PCGF5: variants seen among roughly 807,000 people sequenced by gnomAD.
PCGF5 encodes the protein polycomb group RING finger protein 5.
PCGF5 carries 9 observed loss-of-function variants against 44.3 expected under a neutral mutation model. That is an observed-to-expected ratio of 0.20 (90% CI 0.12 to 0.35). PCGF5 has a LOEUF of 0.35. Among genes scored for constraint, PCGF5 ranks in the 10% least tolerant of loss-of-function variants. PCGF5 has a pLI of 1.00. For missense variants in PCGF5, 146 were observed against 305.3 expected (o/e 0.48, Z 3.89); for synonymous variants, 95 against 102.5 (o/e 0.93, Z 0.44).
At chr10:91,227,523 C>G (rs1423990772) in intron 2 of PCGF5, 3 of 1,226,706 alleles carry the variant, frequency 2.4e-6, no homozygotes, top group Non-Finnish European at 3.1e-6. Context: ...TAATACTTCT[C>G]AAATCTGTCC....
rs1359014140 is a variant in PCGF5 at position 91,279,249 on chromosome 10, A to T, written c.*933A>T. 1.3e-5 allele frequency: 2 copies of T among 152,176 alleles called. No homozygotes were observed. Among genetic ancestry groups the T allele is most frequent in the Non-Finnish European group, 2.9e-5 (2 of 68,026 alleles). 9.4% of individuals were successfully genotyped at this position (152,176 alleles called of 1,614,324 possible). On this transcript the variant is annotated 3_prime_UTR_variant, in exon 10 of 10. Transcript: ENST00000336126. ...ATGTCATTGTGGCATGCAGAGGGTT[A>T]TGACGATTTTAAATATTAGGATTTT...
intron 3 of PCGF5, among the ~76,000 whole-genome samples, chr10:91,246,310 T>G (rs939091632): frequency 6.6e-6 from 1 of 152,136 alleles, no homozygotes; most frequent in Non-Finnish European, 1.5e-5. Context: ...TAAGGTAGCA[T>G]TGGTTTGGTC....
chr10:91,251,635 A>G (rs1460085122), intron 6 of PCGF5, among the ~76,000 whole-genome samples, 195 bp downstream of exon 6: 1 of 152,020 alleles, frequency 6.6e-6, no homozygotes, highest in Non-Finnish European at 1.5e-5. Flanking sequence ...TCTTGGGCCA[A>G]TGCCACCATC....
At chr10:91,218,736 G>T (rs1017467737), upstream of PCGF5, among the ~76,000 whole-genome samples, 2 of 151,950 alleles carry the variant, frequency 1.3e-5, no homozygotes, top group African/African-American at 4.8e-5. Flanking sequence ...AGGTTCAAGC[G>T]ATTCTCCTGC....
chr10:91,204,707 C>T (rs1020128625), intron 1 of PCGF5, among the ~76,000 whole-genome samples: 1 of 152,198 alleles, frequency 6.6e-6, no homozygotes, highest in African/African-American at 2.4e-5. Context: ...CCACTGCCAA[C>T]TCATTATTGC....
In PCGF5 at chr10:91,278,407, A is replaced by C. The variant is rs1355062891; in HGVS notation, c.*91A>C. On this transcript the variant is annotated 3_prime_UTR_variant, in exon 10 of 10. Coordinates refer to ENST00000336126, the MANE Select transcript of PCGF5 (RefSeq NM_032373.5). Reference sequence around the variant, plus strand: ...CAGTTAACGGTGTGTGGACTAGAGGAACACAACCAGATTTTCAGCATGCAA... The same window carrying C: ...CAGTTAACGGTGTGTGGACTAGAGGCACACAACCAGATTTTCAGCATGCAA... 8 of 1,140,628 alleles carry C rather than the reference A, an allele frequency of 7.0e-6. No individual in the cohort carries two copies. The East Asian group carries it at 1.9e-4, about 27-fold the overall frequency. The allele number at this position is 1,140,628 out of a possible 1,614,324, so 70.7% of individuals were successfully genotyped here.
At chr10:91,163,024 C>T (rs1356611666) in exon 1 of PCGF5, 1 of 147,136 alleles carries the variant, frequency 6.8e-6, no homozygotes, top group African/African-American at 2.5e-5. Context: ...CACGCGCGCG[C>T]GCTCGCGCAC....
chr10:91,229,524 G>A (rs906062519), intron 2 of PCGF5, among the ~76,000 whole-genome samples: 1 of 151,990 alleles, frequency 6.6e-6, no homozygotes, highest in Non-Finnish European at 1.5e-5. Flanking sequence ...CTGAATCCTG[G>A]ATATGTGACT....
chr10:91,198,947 C>G (rs1424891162), intron 1 of PCGF5, among the ~76,000 whole-genome samples: 2 of 152,238 alleles, frequency 1.3e-5, no homozygotes, highest in African/African-American at 4.8e-5. Flanking sequence ...TTTCATCACC[C>G]TCTGTGATTG....
intron 1 of PCGF5, among the ~76,000 whole-genome samples, chr10:91,174,838 A>G (rs1053712378): frequency 2.0e-5 from 3 of 152,252 alleles, no homozygotes; most frequent in African/African-American, 2.4e-5. Flanking sequence ...GATGGAACGC[A>G]TGTGTTTACT....
At chr10:91,206,080 C>T (rs559804582) in intron 1 of PCGF5, among the ~76,000 whole-genome samples, 2 of 152,282 alleles carry the variant, frequency 1.3e-5, no homozygotes, top group African/African-American at 4.8e-5. Flanking sequence ...ATTTTGGCAA[C>T]AGCCTAACAA....
intron 6 of PCGF5, among the ~76,000 whole-genome samples, chr10:91,252,372 C>T (rs1409896187): frequency 6.6e-6 from 1 of 151,914 alleles, no homozygotes; most frequent in African/African-American, 2.4e-5. Flanking sequence ...AACAATTTTT[C>T]ACTTCAGATT....
chr10:91,235,768 C>G (rs1214747385), intron 2 of PCGF5, among the ~76,000 whole-genome samples: 1 of 152,232 alleles, frequency 6.6e-6, no homozygotes, highest in Non-Finnish European at 1.5e-5. Context: ...TGCACAAACT[C>G]TCTTTTTGCC....
At chr10:91,237,664 A>C (rs554399311) in intron 2 of PCGF5, among the ~76,000 whole-genome samples, 2 of 152,110 alleles carry the variant, frequency 1.3e-5, no homozygotes, top group Non-Finnish European at 2.9e-5. Flanking sequence ...GAATCACTTG[A>C]ACCTGGGAGG....
At chr10:91,278,215 T>A (rs541389208) in intron 9 of PCGF5, 54 bp from the exon 10 acceptor site, 48 of 1,393,970 alleles carry the variant, frequency 3.4e-5, no homozygotes, top group Middle Eastern at 1.8e-4. Context: ...ATATATAAAC[T>A]GTATTGTTTT....
At chr10:91,205,598 A>G (rs1844333569) in intron 1 of PCGF5, among the ~76,000 whole-genome samples, 1 of 152,184 alleles carries the variant, frequency 6.6e-6, no homozygotes, top group African/African-American at 2.4e-5. Context: ...TCCTCTATCC[A>G]TCAAACACCT....
chr10:91,233,192 G>A (rs541071291), intron 2 of PCGF5, among the ~76,000 whole-genome samples: 2 of 152,312 alleles, frequency 1.3e-5, no homozygotes, highest in East Asian at 3.9e-4. Flanking sequence ...GGCCATCCCA[G>A]TCTTACCACT....
upstream of PCGF5, among the ~76,000 whole-genome samples, chr10:91,217,154 C>T (rs1290939208): frequency 6.6e-6 from 1 of 152,188 alleles, no homozygotes; most frequent in Non-Finnish European, 1.5e-5. Flanking sequence ...CTGCCTCAGC[C>T]TCCTGAGTAG....
intron 6 of PCGF5, among the ~76,000 whole-genome samples, chr10:91,260,248 A>T (rs1589403874): frequency 6.6e-6 from 1 of 152,328 alleles, no homozygotes; most frequent in South Asian, 2.1e-4. Flanking sequence ...ATGCAAATCA[A>T]ACCACAATGA....
Sources: allele counts gnomAD v4.1 joint callset (sites outside exome capture counted in the v4.1 genomes callset), GRCh38; gene constraint gnomAD v4.1.1; transcripts MANE v1.5; gene names NCBI Gene and HGNC (gene_info 2026-07-23, HGNC 2026-07-21).